USH2A: variants seen among roughly 807,000 people sequenced by gnomAD.
USH2A encodes Usher syndrome 2A (autosomal recessive, mild).
In USH2A, 443 loss-of-function variants were observed where a neutral mutation model predicts 538.9. The ratio of observed to expected loss-of-function variants is 0.82; its 90% CI spans 0.76 to 0.89. The LOEUF (loss-of-function observed/expected upper bound fraction) is 0.89, where lower values mean the gene tolerates loss of function less well. Ranked by LOEUF, USH2A falls within the 40% of genes least tolerant of loss-of-function variation. The pLI is 0.00. For synonymous variants in USH2A, 2,413 were observed against 2,273.5 expected (o/e 1.06, Z -1.75); for missense variants, 6,633 against 6,324.8 (o/e 1.05, Z -1.65).
At chr1:215,671,368 G>T in intron 63 of USH2A, 75 bp from the exon 64 acceptor site, 2 of 1,433,776 alleles carry the variant, frequency 1.4e-6, no homozygotes, top group Non-Finnish European at 1.9e-6. Context: ...AAAACACCAG[G>T]CCTTAAAAAA....
At chr1:216,046,055 T>G (rs953342445) in intron 32 of USH2A, among the ~76,000 whole-genome samples, 2 of 111,832 alleles carry the variant, frequency 1.8e-5, no homozygotes, top group Non-Finnish European at 4.0e-5. Flanking sequence ...GTGTGTGCAG[T>G]CACTCCTCAA....
At position 215,779,863 on chromosome 1, in the gene USH2A, C is replaced by T. The variant is rs1661574656; in HGVS notation, c.10919G>A (p.Arg3640Lys). 1 of 1,614,072 alleles carries T rather than the reference C, an allele frequency of 6.2e-7. No homozygotes were observed. The highest frequency in any genetic ancestry group is 1.1e-5 in the South Asian group (1 of 91,078). ...CTCACCTGTGACCGTATGCTGTCTC[C>T]TGTCAGTGGTGTCAGTGTGGATGAG... ...KGLIHTDTTDRRQHTVTGLQP... is the reference protein window; with the variant it reads ...KGLIHTDTTDKRQHTVTGLQP... Residue 3640 changes from arginine to lysine, a missense_variant, in exon 55 of 72, where the codon AGG (arginine) becomes AAG (lysine). Coordinates refer to ENST00000307340, the MANE Select transcript of USH2A (RefSeq NM_206933.4).
At chr1:215,801,641 T>C (rs551559658) in intron 49 of USH2A, among the ~76,000 whole-genome samples, 1 of 152,186 alleles carries the variant, frequency 6.6e-6, no homozygotes, top group South Asian at 2.1e-4. Context: ...GATAACCAAA[T>C]GGAAGAACAT....
intron 67 of USH2A, among the ~76,000 whole-genome samples, chr1:215,645,578 C>A (rs988179197): frequency 4.6e-5 from 7 of 152,184 alleles, no homozygotes; most frequent in African/African-American, 1.7e-4. Context: ...CTGCCAGGAA[C>A]AAACAAGTCC....
At chr1:215,972,064 C>T (rs1024897956) in intron 35 of USH2A, among the ~76,000 whole-genome samples, 18 of 152,160 alleles carry the variant, frequency 1.2e-4, no homozygotes, top group Non-Finnish European at 2.1e-4. Context: ...GACGTCCGCC[C>T]CAGCTACACA....
chr1:215,882,756 T>G (rs1664948048), intron 41 of USH2A, among the ~76,000 whole-genome samples: 1 of 152,192 alleles, frequency 6.6e-6, no homozygotes, highest in African/African-American at 2.4e-5. Flanking sequence ...CTTTTCAGAC[T>G]TAATTGATTA....
chr1:215,683,726 T>C (rs764297301), intron 61 of USH2A, among the ~76,000 whole-genome samples: 1 of 152,152 alleles, frequency 6.6e-6, no homozygotes, highest in Non-Finnish European at 1.5e-5. Flanking sequence ...CTCTTTCTTC[T>C]TATTCACCCT....
chr1:215,680,160 C>T lies in USH2A; in HGVS notation c.12283G>A (p.Gly4095Ser), dbSNP rs1315543696. The stretch of plus-strand genomic sequence containing the variant: ...AGGGTAGACATTACCTTAATCACAC[C>T]ATTGGTTCTCATAGGTTCTGACCAC... ...LQWSEPMRTNGVIKTYNIFSD... is the reference protein window; with the variant it reads ...LQWSEPMRTNSVIKTYNIFSD... Residue 4095 changes from glycine (G) to serine (S), a missense_variant, in exon 62 of 72, where the codon GGT (glycine) becomes AGT (serine). Transcript: ENST00000307340. The T allele has an allele frequency of 2.5e-6, 4 of 1,613,866 alleles. No homozygotes were observed. Among genetic ancestry groups the T allele is most frequent in the African/African-American group, 1.3e-5 (1 of 74,888 alleles).
At chr1:215,649,299 TTTTACAAAATATCATAG>T (rs1656969898) in intron 65 of USH2A, among the ~76,000 whole-genome samples, 1 of 152,212 alleles carries the variant, frequency 6.6e-6, no homozygotes, top group South Asian at 2.1e-4. Flanking sequence ...GGGTGTTGGT[TTTTACAAAATATCATAG>T]TCTTCTCTCA....
At chr1:216,334,907 A>G (rs1327287998) in intron 4 of USH2A, among the ~76,000 whole-genome samples, 1 of 151,988 alleles carries the variant, frequency 6.6e-6, no homozygotes. Context: ...TACACAGAAT[A>G]CAAACAGAAA....
intron 4 of USH2A, among the ~76,000 whole-genome samples, chr1:216,350,271 T>C (rs542895853): frequency 1.3e-5 from 2 of 152,104 alleles, no homozygotes; most frequent in African/African-American, 4.8e-5. Flanking sequence ...ATCCAAACCA[T>C]GTCATTCTGC....
intron 4 of USH2A, among the ~76,000 whole-genome samples, chr1:216,339,242 A>G (rs11120762): frequency 0.38 from 57,153 of 151,324 alleles, 11,738 homozygotes; most frequent in African/African-American, 0.55. Context: ...AAAAAGGCAA[A>G]TTGAAGATAT....
intron 21 of USH2A, among the ~76,000 whole-genome samples, chr1:216,147,423 CT>C: frequency 6.6e-6 from 1 of 152,208 alleles, no homozygotes; most frequent in Non-Finnish European, 1.5e-5. Flanking sequence ...GTTAATGCTC[CT>C]TTTTCTTTAT....
chr1:215,766,687 G>A lies in USH2A; in HGVS notation c.11041C>T (p.Pro3681Ser). Residue 3681 changes from proline (P) to serine (S), a missense_variant, in exon 56 of 72, where the codon CCT (proline) becomes TCT (serine). By Grantham distance (74) the Pro-to-Ser change is moderately conservative. Coordinates refer to ENST00000307340, the MANE Select transcript of USH2A (RefSeq NM_206933.4). Reference protein sequence around the residue: ...PFLGQTLQAAPEGVWVTPRHI... With the variant: ...PFLGQTLQAASEGVWVTPRHI... ...ATGGATATTGTTTCATTACCTTCAG[G>A]AGCTGCCTGCAGTGTCTGACCTAGA... is the stretch of plus-strand genomic sequence containing the variant. The A allele has an allele frequency of 6.2e-7, 1 of 1,613,118 alleles. No individual in the cohort carries two copies. The highest frequency in any genetic ancestry group is 8.5e-7 in the Non-Finnish European group (1 of 1,179,276).
At chr1:215,759,561 A>T in intron 57 of USH2A, 99 bp downstream of exon 57, 1 of 1,457,288 alleles carries the variant, frequency 6.9e-7, no homozygotes, top group South Asian at 1.2e-5. Context: ...GAAGTTAATT[A>T]AACAATTTAA....
intron 37 of USH2A, among the ~76,000 whole-genome samples, chr1:215,946,980 G>C (rs489857): frequency 0.24 from 36,885 of 151,432 alleles, 5,015 homozygotes; most frequent in Non-Finnish European, 0.31. Context: ...TTAACTTTTA[G>C]GTTTTAATTA....
Position 215,888,681 on chromosome 1 carries a change from A to T in USH2A, c.7968T>A (p.Asn2656Lys). 6.2e-7 allele frequency: 1 copy of T among 1,614,116 alleles called. No individual in the cohort carries two copies. The highest frequency in any genetic ancestry group is 8.5e-7 in the Non-Finnish European group (1 of 1,179,996). Residue 2656 changes from asparagine to lysine, a missense_variant, in exon 41 of 72, where the codon AAT (asparagine) becomes AAA (lysine). By Grantham distance (94) the Asn-to-Lys change is moderately conservative. Transcript: ENST00000307340. ...PPTHPNGLVE[N>K]FTIERRVKGK... ...CTTTGACTCTTCTCTCAATTGTGAA[A>T]TTCTCCACCAAGCCATTGGGGTGGG...
In USH2A at chr1:215,965,492, A is replaced by C. The variant is rs1343431402; in HGVS notation, c.6958-13T>G. On this transcript the variant is annotated splice_polypyrimidine_tract_variant and intron_variant, in intron 36 of 71. Transcript: ENST00000307340. ...TTCGATTTTCCACCTGTGAGTATAAAAAGATTTATTTTTGTTTGCAAATAA... is the reference window on the plus strand; with the variant it reads ...TTCGATTTTCCACCTGTGAGTATAACAAGATTTATTTTTGTTTGCAAATAA... 6.2e-7 allele frequency: 1 copy of C among 1,613,168 alleles called. No homozygotes were observed. Among genetic ancestry groups the C allele is most frequent in the Non-Finnish European group, 8.5e-7 (1 of 1,179,508 alleles).
intron 38 of USH2A, among the ~76,000 whole-genome samples, chr1:215,907,608 C>G (rs901415919): frequency 6.6e-6 from 1 of 152,034 alleles, no homozygotes; most frequent in Non-Finnish European, 1.5e-5. Flanking sequence ...CACTGAGCAT[C>G]TTAATTTTGG....
Sources: allele counts gnomAD v4.1 joint callset (sites outside exome capture counted in the v4.1 genomes callset), GRCh38; gene constraint gnomAD v4.1.1; transcripts MANE v1.5; gene names NCBI Gene and HGNC (gene_info 2026-07-23, HGNC 2026-07-21).